Variants in CUBN observed in about 807,000 individuals in gnomAD.
CUBN encodes the protein 460 kDa receptor.
Under a neutral mutation model 405.3 loss-of-function variants are expected in CUBN, and 282 were observed. The ratio of observed to expected loss-of-function variants is 0.70; its 90% confidence interval spans 0.63 to 0.77. The LOEUF is 0.77. Ranked by LOEUF, CUBN falls within the 30% of genes least tolerant of loss-of-function variation. The pLI is 0.00. For synonymous variants in CUBN, 1,684 were observed against 1,617.0 expected, an observed-to-expected ratio of 1.04 and a Z score of -0.99; for missense variants, 4,514 against 4,475.2, an observed-to-expected ratio of 1.01 and a Z score of -0.25.
chr10:16,895,331 A>G (rs181374535), intron 54 of CUBN, among the ~76,000 whole-genome samples: 1,692 of 148,480 alleles, frequency 0.011, 13 homozygotes, highest in Non-Finnish European at 0.019. Context: ...TTACATATAT[A>G]TATTTATACA....
chr10:16,934,916 AAG>A lies in CUBN; in HGVS notation c.5927-1634_5927-1633del, dbSNP rs564143961. Among the ~76,000 whole-genome samples the A allele has an allele frequency of 1.1e-4, 16 of 152,266 alleles. No homozygotes were observed. The South Asian group carries it at 2.3e-3, about 22-fold the overall frequency. The stretch of plus-strand genomic sequence containing the variant: ...AGGAGACCTGTTGTTTTCAGCACCT[AAG>A]AGTTTGAAATTGTTTGTTACCGCCA... On this transcript the variant is annotated intron_variant, in intron 39 of 66. Coordinates refer to ENST00000377833, the MANE Select transcript of CUBN (RefSeq NM_001081.4).
intron 29 of CUBN, among the ~76,000 whole-genome samples, chr10:16,986,041 G>C (rs1471384671): frequency 6.6e-6 from 1 of 152,218 alleles, no homozygotes. Flanking sequence ...GCTGGGGAGG[G>C]TGGCGAAGGC....
At position 17,100,091 on chromosome 10, in the gene CUBN, C is replaced by T; in HGVS notation, c.1679G>A (p.Ser560Asn). 6.2e-7 allele frequency: 1 copy of T among 1,613,962 alleles called. No individual in the cohort carries two copies. The highest frequency in any genetic ancestry group is 8.5e-7 in the Non-Finnish European group (1 of 1,179,896). Residue 560 changes from serine to asparagine, a missense_variant, in exon 14 of 67, where the codon AGT becomes AAT. Transcript: ENST00000377833. ...GSSLPHELLS[S>N]DNALYFHLYS... ...GAGATGAAAATAGAGAGCATTGTCA[C>T]TGCTGAGGAGTTCATGAGGGAGGCT... is the stretch of plus-strand genomic sequence containing the variant.
intron 28 of CUBN, among the ~76,000 whole-genome samples, chr10:17,007,016 G>A (rs1002694829): frequency 6.6e-6 from 1 of 152,208 alleles, no homozygotes; most frequent in Non-Finnish European, 1.5e-5. Context: ...TCACTCTCTC[G>A]CTCACAAAGC....
chr10:16,899,596 C>A (rs1357541451), intron 53 of CUBN, among the ~76,000 whole-genome samples: 1 of 152,178 alleles, frequency 6.6e-6, no homozygotes, highest in African/African-American at 2.4e-5. Flanking sequence ...GTTACTCTAA[C>A]TGGACTAGAG....
chr10:17,000,564 A>G (rs147774173), intron 28 of CUBN, among the ~76,000 whole-genome samples: 131 of 152,348 alleles, frequency 8.6e-4, no homozygotes, highest in African/African-American at 3.0e-3. Context: ...AACATTTATT[A>G]TTACGGGAAT....
Position 17,071,956 on chromosome 10 carries a change from T to C in CUBN, c.2317A>G (p.Thr773Ala). 1 of 1,612,526 alleles carries C rather than the reference T, an allele frequency of 6.2e-7. No individual in the cohort carries two copies. Among genetic ancestry groups the C allele is most frequent in the Non-Finnish European group, 8.5e-7 (1 of 1,179,368 alleles). Residue 773 changes from threonine (T) to alanine (A), a missense_variant, in exon 18 of 67, where the codon ACC becomes GCC. Coordinates refer to ENST00000377833, the MANE Select transcript of CUBN (RefSeq NM_001081.4). ...QNYIEVRDGE[T>A]LLGKVCGNGT... ...TTGCCACAGACTTTTCCAAGTAAGG[T>C]TTCACCATCTCGAACCTAAAGAGAA...
intron 36 of CUBN, among the ~76,000 whole-genome samples, chr10:16,944,446 A>G (rs1458619745): frequency 6.6e-6 from 1 of 152,100 alleles, no homozygotes; most frequent in Non-Finnish European, 1.5e-5. Flanking sequence ...TTCCCTACTC[A>G]GTTTCACCAC....
chr10:17,008,241 GTGTGT>G (rs1564475381), intron 28 of CUBN, among the ~76,000 whole-genome samples: 95 of 147,236 alleles, frequency 6.5e-4, no homozygotes, highest in East Asian at 1.8e-3. Context: ...CGTGTGTGGT[GTGTGT>G]GTGTGTGTGT....
At chr10:17,044,427 C>T (rs956199903) in intron 25 of CUBN, among the ~76,000 whole-genome samples, 12 of 151,728 alleles carry the variant, frequency 7.9e-5, no homozygotes, top group African/African-American at 2.2e-4. Context: ...GGCAATTAAG[C>T]TGTGGACATG....
intron 17 of CUBN, among the ~76,000 whole-genome samples, chr10:17,081,787 C>T (rs1323136746): frequency 6.6e-6 from 1 of 152,110 alleles, no homozygotes; most frequent in Non-Finnish European, 1.5e-5. Flanking sequence ...TTGACAATAA[C>T]TAGAGTTTGA....
At chr10:16,886,842 G>A (rs1449562262) in intron 56 of CUBN, among the ~76,000 whole-genome samples, 1 of 152,240 alleles carries the variant, frequency 6.6e-6, no homozygotes, top group Non-Finnish European at 1.5e-5. Flanking sequence ...AGGCTGGAGT[G>A]CAATGGCATG....
chr10:17,125,581 G>A (rs548866046), intron 4 of CUBN, among the ~76,000 whole-genome samples: 3 of 152,260 alleles, frequency 2.0e-5, no homozygotes, highest in Non-Finnish European at 4.4e-5. Context: ...ACACTGTCTG[G>A]GGACTAAAAT....
intron 22 of CUBN, among the ~76,000 whole-genome samples, chr10:17,064,361 G>T (rs1285102758): frequency 6.6e-6 from 1 of 152,154 alleles, no homozygotes; most frequent in East Asian, 1.9e-4. Context: ...AGTGGGAGAT[G>T]TTTAAACTTT....
chr10:17,075,873 T>C (rs1396630389), intron 17 of CUBN, among the ~76,000 whole-genome samples: 4 of 152,190 alleles, frequency 2.6e-5, no homozygotes, highest in Non-Finnish European at 4.4e-5. Flanking sequence ...TAAAAAAAAC[T>C]TTGCAAATAG....
At chr10:16,890,582 A>T in intron 54 of CUBN, 55 bp from the exon 55 acceptor site, 1 of 1,587,742 alleles carries the variant, frequency 6.3e-7, no homozygotes, top group Admixed American at 1.7e-5. Context: ...TCAATATTTT[A>T]ATGCACTTAG....
At chr10:17,060,078 C>T (rs910453126) in intron 22 of CUBN, among the ~76,000 whole-genome samples, 84 of 142,382 alleles carry the variant, frequency 5.9e-4, no homozygotes, top group African/African-American at 1.9e-3. Context: ...CCCAAGTTCC[C>T]TCTTTCCAAA....
rs765388510 is a variant in CUBN at position 17,068,160 on chromosome 10, T to C, written c.2912A>G (p.His971Arg). The change falls in exon 21 of 67, where the codon CAT (histidine) becomes CGT (arginine). Residue 971 changes from histidine to arginine, a missense_variant. Around this residue, in one of 5 missense-constraint regions of CUBN, gnomAD observed 1,448 missense variants for 1,388.0 expected, o/e 1.04. Transcript: ENST00000377833. ...CAGATGAAATGTTTCGAACATTAAATGAATCAGGTGATTAGGTTGGACTAA... is the reference window on the plus strand; with the variant it reads ...CAGATGAAATGTTTCGAACATTAAACGAATCAGGTGATTAGGTTGGACTAA... ...HILVQPNHLI[H>R]LMFETFHLEF... 1 of 1,613,754 alleles carries C rather than the reference T, an allele frequency of 6.2e-7. No individual in the cohort carries two copies. The highest frequency in any genetic ancestry group is 2.2e-5 in the East Asian group (1 of 44,868).
At position 16,984,138 on chromosome 10, in the gene CUBN, CT is replaced by C. The variant is rs752093538; in HGVS notation, c.4491del (p.Gly1498AlafsTer53). On this transcript the variant is annotated frameshift_variant, in exon 30 of 67. Transcript: ENST00000377833. LOFTEE classifies it high-confidence loss of function. ...RFKTDLSING[R>X]GFNASWQAVT... is the part of the protein sequence containing the mutation. ...ACTGCTTGCCATGACGCATTGAAGCCTCTCCCATTTATGGACAAGTCGGTCT... is the reference window on the plus strand; with the variant it reads ...ACTGCTTGCCATGACGCATTGAAGCCCTCCCATTTATGGACAAGTCGGTCT... 6.2e-7 allele frequency: 1 copy of C among 1,614,160 alleles called. No individual in the cohort carries two copies. Among genetic ancestry groups the C allele is most frequent in the South Asian group, 1.1e-5 (1 of 91,078 alleles).
Sources: gnomAD v4.1 joint callset for allele counts (sites outside exome capture counted in the v4.1 genomes callset) on GRCh38, gnomAD v4.1.1 for gene constraint, gnomAD v4.1.1 regional missense constraint, MANE v1.5 for transcripts, NCBI Gene and HGNC (gene_info 2026-07-23, HGNC 2026-07-21) for gene names.